The following FMNL2 variants were observed in gnomAD, a reference collection of about 807,000 sequenced individuals.
FMNL2 encodes the protein formin like 2.
In FMNL2, 51 loss-of-function variants were observed where a neutral mutation model predicts 130.2. The observed-to-expected ratio is 0.39, with a 90% CI of 0.31 to 0.49. The LOEUF is 0.49. Among genes scored for constraint, FMNL2 ranks in the 20% least tolerant of loss-of-function variants. FMNL2 has a pLI of 0.85. For missense variants in FMNL2, 977 were observed against 1,316.2 expected (o/e 0.74, Z 3.99); for synonymous variants, 465 against 467.1 (o/e 1.00, Z 0.06).
intron 1 of FMNL2, among the ~76,000 whole-genome samples, chr2:152,452,931 C>T (rs140243185): frequency 1.3e-5 from 2 of 152,214 alleles, no homozygotes; most frequent in African/African-American, 4.8e-5. Flanking sequence ...TGGCCGGGCG[C>T]GGTGGCTTAT....
At chr2:152,575,350 C>T (rs1696415484) in intron 7 of FMNL2, 106 bp downstream of exon 7, 8 of 579,234 alleles carry the variant, frequency 1.4e-5, no homozygotes, top group Non-Finnish European at 2.3e-5. Context: ...ACAATAAAAG[C>T]CCAGACTTCA....
intron 1 of FMNL2, among the ~76,000 whole-genome samples, chr2:152,383,541 C>A (rs1317612912): frequency 1.3e-5 from 2 of 151,734 alleles, no homozygotes; most frequent in Non-Finnish European, 2.9e-5. Context: ...TCGAGACCAG[C>A]CTGGGCAACA....
intron 1 of FMNL2, among the ~76,000 whole-genome samples, chr2:152,516,028 A>G (rs1475105152): frequency 1.3e-5 from 2 of 152,170 alleles, no homozygotes; most frequent in Non-Finnish European, 2.9e-5. Flanking sequence ...GCAAAAACTA[A>G]TAAATGAGTA....
In FMNL2 at chr2:152,429,607, CT is replaced by C. The variant is rs63647660; in HGVS notation, c.118-92325del. Among the ~76,000 whole-genome samples the C allele has an allele frequency of 1.6e-3, 230 of 146,850 alleles. 1 individual carries two copies. Among genetic ancestry groups the C allele is most frequent in the Middle Eastern group, 3.5e-3 (1 of 282 alleles). The stretch of plus-strand genomic sequence containing the variant: ...CCCTTAGATAGCCCACTTCTTTTGT[CT>C]TTTTTTTTTTGTTTTCTTTTCCCTT... On this transcript the variant is annotated intron_variant, in intron 1 of 25. Coordinates refer to ENST00000288670, the MANE Select transcript of FMNL2 (RefSeq NM_052905.4).
chr2:152,465,378 A>G (rs1428999361), intron 1 of FMNL2, among the ~76,000 whole-genome samples: 1 of 152,244 alleles, frequency 6.6e-6, no homozygotes, highest in Non-Finnish European at 1.5e-5. Context: ...TGACCAAGCC[A>G]GATTTGGAAA....
At chr2:152,629,994 A>T in intron 20 of FMNL2, 89 bp downstream of exon 20, 1 of 1,225,868 alleles carries the variant, frequency 8.2e-7, no homozygotes, top group Non-Finnish European at 1.2e-6. Context: ...GTTTTGATGA[A>T]TATTTTCTGC....
intron 1 of FMNL2, among the ~76,000 whole-genome samples, chr2:152,518,031 C>T (rs1473309619): frequency 1.3e-5 from 2 of 152,188 alleles, no homozygotes. Context: ...GCAAAGGGAC[C>T]TGGAGATAGA....
In FMNL2 at chr2:152,628,239, C is replaced by T. The variant is rs558491333; in HGVS notation, c.2166-60C>T. The T allele has an allele frequency of 9.7e-6, 14 of 1,442,796 alleles. No individual in the cohort carries two copies. In the African/African-American group the frequency reaches 1.7e-4, roughly 17 times the overall value. 89.4% of individuals were successfully genotyped at this position (1,442,796 alleles called of 1,614,324 possible). On this transcript the variant is annotated intron_variant, in intron 17 of 25. Transcript: ENST00000288670. Reference sequence around the variant, plus strand: ...GGATGAACCTGAAAAGATGGATGAACTTGAAAAGGGGGTAGGAGGTTTTTC... The same window carrying T: ...GGATGAACCTGAAAAGATGGATGAATTTGAAAAGGGGGTAGGAGGTTTTTC...
intron 25 of FMNL2, 74 bp from the exon 26 acceptor site, chr2:152,647,722 A>G (rs1342946139): frequency 7.1e-7 from 1 of 1,412,768 alleles, no homozygotes; most frequent in Non-Finnish European, 1.0e-6. Flanking sequence ...ATTGGCTGCC[A>G]GCTGGCCTTT....
intron 2 of FMNL2, among the ~76,000 whole-genome samples, chr2:152,541,971 A>C (rs1277958373): frequency 6.6e-6 from 1 of 152,206 alleles, no homozygotes; most frequent in Admixed American, 6.5e-5. Flanking sequence ...AACCTGATAC[A>C]CGTGGCATGA....
chr2:152,644,965 T>C (rs1223383346), intron 25 of FMNL2, among the ~76,000 whole-genome samples: 1 of 152,236 alleles, frequency 6.6e-6, no homozygotes, highest in Non-Finnish European at 1.5e-5. Flanking sequence ...TAATTGGACG[T>C]AGCCATTGAC....
At chr2:152,634,347 T>C (rs1367947045) in intron 21 of FMNL2, among the ~76,000 whole-genome samples, 3 of 152,118 alleles carry the variant, frequency 2.0e-5, no homozygotes, top group African/African-American at 7.2e-5. Flanking sequence ...GCAGGAGAAT[T>C]GCTTGAACCC....
At chr2:152,335,766 C>A in intron 1 of FMNL2, 46 bp downstream of exon 1, 1 of 1,388,582 alleles carries the variant, frequency 7.2e-7, no homozygotes, top group Admixed American at 2.9e-5. Flanking sequence ...GGGCCCCGGG[C>A]CGGGCGGCGC....
chr2:152,396,194 A>G (rs993598803), intron 1 of FMNL2, among the ~76,000 whole-genome samples: 1 of 152,210 alleles, frequency 6.6e-6, no homozygotes, highest in African/African-American at 2.4e-5. Flanking sequence ...AGTCATTGCT[A>G]AGTGTTTCCA....
chr2:152,354,676 A>G (rs965000028), intron 1 of FMNL2, among the ~76,000 whole-genome samples: 1 of 152,234 alleles, frequency 6.6e-6, no homozygotes, highest in Non-Finnish European at 1.5e-5. Flanking sequence ...CATCTTTCTT[A>G]CTATCTGGTG....
At chr2:152,636,334 A>C in intron 21 of FMNL2, 93 bp from the exon 22 acceptor site, 1 of 1,379,106 alleles carries the variant, frequency 7.3e-7, no homozygotes, top group Non-Finnish European at 9.8e-7. Context: ...GAGTAAGCCT[A>C]AGAATCTCCT....
At chr2:152,593,420 A>G (rs1697540434) in intron 9 of FMNL2, among the ~76,000 whole-genome samples, 1 of 152,180 alleles carries the variant, frequency 6.6e-6, no homozygotes, top group Non-Finnish European at 1.5e-5. Context: ...TTTGGATAAA[A>G]CTTTAGGAGT....
In FMNL2 at chr2:152,375,877, C is replaced by CTCTCTCTCTCTCTATATATATATA. The variant is rs796954245; in HGVS notation, c.117+40158_117+40159insCTCTCTCTCTCTATATATATATAT. On this transcript the variant is annotated intron_variant, in intron 1 of 25. Coordinates refer to ENST00000288670, the MANE Select transcript of FMNL2 (RefSeq NM_052905.4). ...TCTCTCTCTCTCTCTCTCTCTCTCTCTATATATATATATATATATAATTAT... is the reference window on the plus strand; with the variant it reads ...TCTCTCTCTCTCTCTCTCTCTCTCTCTCTCTCTCTCTCTATATATATATATATATATATATATATATATAATTAT... 2.8e-4 allele frequency among the ~76,000 whole-genome samples: 32 copies of CTCTCTCTCTCTCTATATATATATA among 112,476 alleles called. No individual in the cohort carries two copies. In the East Asian group the frequency reaches 3.8e-3, roughly 13 times the overall value. 73.8% of individuals were successfully genotyped at this position (112,476 alleles called of 152,430 possible).
At chr2:152,373,423 A>G (rs1246024419) in intron 1 of FMNL2, among the ~76,000 whole-genome samples, 1 of 152,136 alleles carries the variant, frequency 6.6e-6, no homozygotes, top group Non-Finnish European at 1.5e-5. Context: ...ACTTTAGTTC[A>G]ATGAGATTTT....
Sources: allele counts gnomAD v4.1 joint callset (sites outside exome capture counted in the v4.1 genomes callset), GRCh38; gene constraint gnomAD v4.1.1; transcripts MANE v1.5; gene names NCBI Gene and HGNC (gene_info 2026-07-23, HGNC 2026-07-21).